PCDH15: variants seen among roughly 807,000 people sequenced by gnomAD.
The protein encoded by PCDH15 is protocadherin-15.
PCDH15 carries 129 observed loss-of-function variants against 178.5 expected under a neutral mutation model. The observed-to-expected ratio is 0.72, with a 90% CI of 0.63 to 0.84. The LOEUF is 0.84. Among genes scored for constraint, PCDH15 ranks in the 40% least tolerant of loss-of-function variants. PCDH15 has a pLI of 0.00. For synonymous variants in PCDH15, 800 were observed against 732.0 expected (o/e 1.09, Z -1.50); for missense variants, 2,230 against 2,099.9 (o/e 1.06, Z -1.21).
intron 1 of PCDH15, among the ~76,000 whole-genome samples, chr10:55,219,569 TATATA>T (rs1279469720): frequency 2.6e-5 from 4 of 151,206 alleles, no homozygotes; most frequent in Non-Finnish European, 5.9e-5. Flanking sequence ...ATCAGAAACA[TATATA>T]ATAATATAAA....
intron 2 of PCDH15, among the ~76,000 whole-genome samples, chr10:54,987,890 C>T (rs1410153721): frequency 2.0e-5 from 3 of 151,886 alleles, no homozygotes; most frequent in Non-Finnish European, 2.9e-5. Flanking sequence ...GTCAATTTTG[C>T]CTTTTGTTGC....
intron 2 of PCDH15, among the ~76,000 whole-genome samples, chr10:55,386,842 A>G (rs1837672351): frequency 1.3e-5 from 2 of 152,100 alleles, no homozygotes; most frequent in African/African-American, 4.8e-5. Flanking sequence ...AAATACAACT[A>G]TATATCTAAT....
intron 1 of PCDH15, among the ~76,000 whole-genome samples, chr10:55,270,967 T>C (rs913659915): frequency 1.3e-5 from 2 of 152,018 alleles, no homozygotes; most frequent in African/African-American, 4.8e-5. Flanking sequence ...TAAAAAAGAA[T>C]GAAATCATGT....
chr10:54,628,291 C>T (rs1181473600), intron 2 of PCDH15, among the ~76,000 whole-genome samples: 1 of 152,132 alleles, frequency 6.6e-6, no homozygotes, highest in African/African-American at 2.4e-5. Flanking sequence ...TTATATTCTT[C>T]CCACATAAAT....
intron 1 of PCDH15, among the ~76,000 whole-genome samples, chr10:55,259,802 T>C (rs1842100736): frequency 6.7e-6 from 1 of 148,558 alleles, no homozygotes; most frequent in Non-Finnish European, 1.5e-5. Context: ...CTCAGGAGGC[T>C]GAGGCAGGAG....
At chr10:55,454,608 T>C (rs184914072) in intron 2 of PCDH15, among the ~76,000 whole-genome samples, 2 of 121,940 alleles carry the variant, frequency 1.6e-5, no homozygotes, top group Non-Finnish European at 3.2e-5. Context: ...AAACCCCGTC[T>C]CTACTAAAAA....
At chr10:55,328,946 ATAT>A (rs1565015102) in intron 2 of PCDH15, among the ~76,000 whole-genome samples, 21 of 134,878 alleles carry the variant, frequency 1.6e-4, no homozygotes, top group South Asian at 2.3e-4. Flanking sequence ...ATATATATAT[ATAT>A]AAAATATATA....
rs555849914 is a variant in PCDH15, at chr10:53,944,462, G to A, written c.3123-3487C>T. The stretch of plus-strand genomic sequence containing the variant: ...GGCCAAATGAAACATTTCTCAGAAG[G>A]TTTTCTAAAAAAATATTTTCTCTAT... On this transcript the variant is annotated intron_variant, in intron 23 of 37. Transcript: ENST00000644397. Among the ~76,000 whole-genome samples the A allele has an allele frequency of 2.6e-4, 40 of 152,058 alleles. 2 individuals carry two copies. The South Asian group carries it at 8.3e-3, about 32-fold the overall frequency.
At chr10:53,819,205 A>G (rs1469401775) in intron 33 of PCDH15, among the ~76,000 whole-genome samples, 3 of 151,872 alleles carry the variant, frequency 2.0e-5, no homozygotes, top group African/African-American at 7.2e-5. Context: ...AACAATGACA[A>G]CTGAGTCATA....
At chr10:55,137,044 C>T (rs1475305954) in intron 2 of PCDH15, among the ~76,000 whole-genome samples, 5 of 151,956 alleles carry the variant, frequency 3.3e-5, no homozygotes, top group African/African-American at 1.2e-4. Flanking sequence ...CATTTAATTC[C>T]CTAATGTATT....
intron 25 of PCDH15, among the ~76,000 whole-genome samples, chr10:53,927,147 C>A (rs1023502956): frequency 1.2e-5 from 1 of 84,266 alleles, no homozygotes. Context: ...TATGTAAATG[C>A]AAGTGTGTGT....
At chr10:55,425,276 A>G (rs1007458155) in intron 2 of PCDH15, among the ~76,000 whole-genome samples, 28 of 151,954 alleles carry the variant, frequency 1.8e-4, no homozygotes, top group African/African-American at 5.8e-4. Context: ...GTAAAATTTT[A>G]TTGACAATCT....
intron 17 of PCDH15, among the ~76,000 whole-genome samples, chr10:54,076,299 T>G (rs1373234641): frequency 1.3e-5 from 2 of 152,186 alleles, no homozygotes; most frequent in African/African-American, 4.8e-5. Context: ...GTGCTGATTT[T>G]GTACTCTGAT....
At position 54,916,873 on chromosome 10, in the gene PCDH15, G is replaced by A. The variant is rs530458643; in HGVS notation, c.-79-19373C>T. ...AAGGGGAGGATTTTTGGGATTTTTT[G>A]CAAGTGATGAGAATGGTAGATGGCT... On this transcript the variant is annotated intron_variant, in intron 2 of 5. Coordinates refer to the PCDH15 transcript ENST00000458638. Among the ~76,000 whole-genome samples, 43 of 151,452 alleles carry A rather than the reference G, an allele frequency of 2.8e-4. No homozygotes were observed. The South Asian group carries it at 3.3e-3, about 12-fold the overall frequency.
chr10:54,267,920 A>G lies in PCDH15; in HGVS notation c.877-30989T>C, dbSNP rs1453603883. Among the ~76,000 whole-genome samples, 59 of 151,916 alleles carry G rather than the reference A, an allele frequency of 3.9e-4. 2 individuals are homozygous for G. The highest frequency in any genetic ancestry group is 3.9e-4 in the East Asian group (2 of 5,194). On this transcript the variant is annotated intron_variant, in intron 8 of 37. Transcript: ENST00000644397. ...AAAATCATTTTTTACACAGAATTAGAAAATTGATTCTAAAATTTATATTTA... is the reference window on the plus strand; with the variant it reads ...AAAATCATTTTTTACACAGAATTAGGAAATTGATTCTAAAATTTATATTTA...
intron 28 of PCDH15, 22 bp downstream of exon 28, chr10:53,857,153 A>G: frequency 6.8e-7 from 1 of 1,479,558 alleles, no homozygotes; most frequent in South Asian, 1.1e-5. Flanking sequence ...AAATAAATAT[A>G]TAAGGAGACA....
chr10:54,871,045 C>T (rs183074249), intron 3 of PCDH15, among the ~76,000 whole-genome samples: 1 of 152,274 alleles, frequency 6.6e-6, no homozygotes, highest in African/African-American at 2.4e-5. Context: ...GGATGACTCT[C>T]AACCAGTGCT....
chr10:53,944,658 T>C (rs2086375301), intron 23 of PCDH15, among the ~76,000 whole-genome samples: 1 of 152,198 alleles, frequency 6.6e-6, no homozygotes, highest in Non-Finnish European at 1.5e-5. Flanking sequence ...CAAACTGCAC[T>C]CTTAAAAGAA....
chr10:55,482,751 T>A (rs1285808914), intron 2 of PCDH15, among the ~76,000 whole-genome samples: 2 of 151,732 alleles, frequency 1.3e-5, no homozygotes, highest in East Asian at 3.9e-4. Flanking sequence ...ACCTTAACAT[T>A]TTTTTCTTTC....
Sources: allele counts gnomAD v4.1 joint callset (sites outside exome capture counted in the v4.1 genomes callset), GRCh38; gene constraint gnomAD v4.1.1; transcripts MANE v1.5; gene names NCBI Gene and HGNC (gene_info 2026-07-23, HGNC 2026-07-21).